The following COLEC10 variants were observed in gnomAD, a reference collection of about 807,000 sequenced individuals.
The protein encoded by COLEC10 is collectin subfamily member 10, also known as collectin-10.
COLEC10 carries 22 observed loss-of-function variants against 28.4 expected under a neutral mutation model. The observed-to-expected ratio is 0.78, with a 90% CI of 0.55 to 1.11. The LOEUF (loss-of-function observed/expected upper bound fraction) is 1.11, where lower values mean the gene tolerates loss of function less well. Among genes scored for constraint, COLEC10 ranks in the 50% least tolerant of loss-of-function variants. The pLI is 0.00. For missense variants in COLEC10, 361 were observed against 344.1 expected, an observed-to-expected ratio of 1.05 and a Z score of -0.39; for synonymous variants, 125 against 116.1, an observed-to-expected ratio of 1.08 and a Z score of -0.49.
chr8:119,047,648 T>C (rs1054845617), intron 2 of COLEC10, among the ~76,000 whole-genome samples: 1 of 152,158 alleles, frequency 6.6e-6, no homozygotes, highest in Admixed American at 6.6e-5. Context: ...ATATTTAATA[T>C]GTAAATGCAG....
At chr8:119,025,601 A>G (rs935549849) in intron 2 of COLEC10, among the ~76,000 whole-genome samples, 2 of 152,196 alleles carry the variant, frequency 1.3e-5, no homozygotes, top group African/African-American at 4.8e-5. Flanking sequence ...AAAGTGACTA[A>G]GCGCGAGGCT....
chr8:118,981,595 G>T, the COLEC10 span, among the ~76,000 whole-genome samples: 1 of 151,970 alleles, frequency 6.6e-6, no homozygotes, highest in Non-Finnish European at 1.5e-5. Context: ...TCTTCTGTTT[G>T]CTGTAGTAAT....
chr8:118,991,754 G>A (rs1226043464), upstream of COLEC10, among the ~76,000 whole-genome samples: 4 of 152,084 alleles, frequency 2.6e-5, no homozygotes, highest in African/African-American at 9.7e-5. Flanking sequence ...ATTGCTGAAA[G>A]GAGAAAATTG....
At chr8:119,069,584 C>A (rs1815048320) in intron 1 of COLEC10, among the ~76,000 whole-genome samples, 1 of 102,860 alleles carries the variant, frequency 9.7e-6, no homozygotes, top group African/African-American at 3.8e-5. Flanking sequence ...CCAGCCTGGA[C>A]AACAGAGTGA....
upstream of COLEC10, among the ~76,000 whole-genome samples, chr8:118,991,526 A>G (rs865951391): frequency 3.9e-5 from 6 of 152,170 alleles, no homozygotes; most frequent in Admixed American, 1.3e-4. Context: ...CAAATGGTGG[A>G]TGGAAGTGGT....
chr8:118,993,260 T>C (rs1267826341), upstream of COLEC10, among the ~76,000 whole-genome samples: 1 of 152,178 alleles, frequency 6.6e-6, no homozygotes, highest in African/African-American at 2.4e-5. Flanking sequence ...GGATTTTTTT[T>C]CCCAAGGCCT....
intron 1 of COLEC10, among the ~76,000 whole-genome samples, chr8:119,088,542 G>A (rs989316555): frequency 9.9e-5 from 15 of 152,122 alleles, no homozygotes; most frequent in African/African-American, 3.4e-4. Flanking sequence ...AGTTACTCTC[G>A]CTCAAACTGT....
the COLEC10 span, among the ~76,000 whole-genome samples, chr8:118,960,785 GAAA>G: frequency 8.3e-5 from 6 of 72,552 alleles, no homozygotes; most frequent in African/African-American, 2.5e-4. Flanking sequence ...GAGACTCTGT[GAAA>G]AAAAAAAAAA....
At chr8:119,042,251 G>T (rs1563725648) in intron 2 of COLEC10, among the ~76,000 whole-genome samples, 1 of 151,988 alleles carries the variant, frequency 6.6e-6, no homozygotes, top group East Asian at 1.9e-4. Flanking sequence ...TCCCGTTTCG[G>T]CCTCCCAAAG....
chr8:118,971,241 C>G, the COLEC10 span, among the ~76,000 whole-genome samples: 1 of 151,964 alleles, frequency 6.6e-6, no homozygotes, highest in Non-Finnish European at 1.5e-5. Flanking sequence ...AACTCCAACC[C>G]CATCCTTGGC....
chr8:119,029,824 C>T (rs1255366624), intron 2 of COLEC10, among the ~76,000 whole-genome samples: 4 of 152,142 alleles, frequency 2.6e-5, no homozygotes, highest in Non-Finnish European at 5.9e-5. Context: ...ATTCTCCATG[C>T]CCTTGTTAAT....
intron 1 of COLEC10, among the ~76,000 whole-genome samples, chr8:119,070,573 C>A (rs557621042): frequency 1.7e-5 from 1 of 58,782 alleles, no homozygotes; most frequent in Non-Finnish European, 3.4e-5. Context: ...TCTCTCCCCC[C>A]ACCCCTTCTC....
intron 2 of COLEC10, 23 bp downstream of exon 2, chr8:119,089,774 G>T: frequency 6.3e-7 from 1 of 1,589,444 alleles, no homozygotes. Flanking sequence ...ATGTGAAACT[G>T]ACATTTTAAT....
intron 2 of COLEC10, among the ~76,000 whole-genome samples, chr8:119,024,579 T>TACAC (rs5894472): frequency 6.6e-6 from 1 of 150,634 alleles, no homozygotes; most frequent in Non-Finnish European, 1.5e-5. Context: ...TATGCACACA[T>TACAC]ACACACACAC....
At chr8:119,087,265 T>C (rs549918695) in intron 1 of COLEC10, among the ~76,000 whole-genome samples, 1 of 152,266 alleles carries the variant, frequency 6.6e-6, no homozygotes, top group African/African-American at 2.4e-5. Context: ...CCACCATGCT[T>C]TGGGTCACAG....
intron 2 of COLEC10, among the ~76,000 whole-genome samples, chr8:119,047,830 T>G (rs1814611535): frequency 6.6e-6 from 1 of 152,172 alleles, no homozygotes; most frequent in Non-Finnish European, 1.5e-5. Context: ...TTCTAGAGTT[T>G]GAAAAAATTT....
At chr8:119,078,959 G>T (rs1815309440) in intron 1 of COLEC10, among the ~76,000 whole-genome samples, 2 of 149,434 alleles carry the variant, frequency 1.3e-5, no homozygotes, top group African/African-American at 2.5e-5. Flanking sequence ...ATGTTTAGAT[G>T]CCAAAAGCAT....
At chr8:118,965,267 CA>C in the COLEC10 span, among the ~76,000 whole-genome samples, 1 of 152,018 alleles carries the variant, frequency 6.6e-6, no homozygotes, top group Admixed American at 6.5e-5. Context: ...CTCAAAATAT[CA>C]TAGAGAACTC....
rs556596733 is a variant in COLEC10, at chr8:119,015,261, G to A, written n.235+5708G>A. Among the ~76,000 whole-genome samples the A allele has an allele frequency of 8.7e-4, 130 of 148,572 alleles. 2 individuals are homozygous for A. Among genetic ancestry groups the A allele is most frequent in the South Asian group, 7.4e-3 (35 of 4,734 alleles). The stretch of plus-strand genomic sequence containing the variant: ...TCTGAGTAGGTCTCGGTCTTTTGAT[G>A]AGCCTGTGTCTCTAGACTGAATTTC... On this transcript the variant is annotated intron_variant and non_coding_transcript_variant, in intron 2 of 6. Transcript: ENST00000521788.
Sources: gnomAD v4.1 joint callset for allele counts (sites outside exome capture counted in the v4.1 genomes callset) on GRCh38, gnomAD v4.1.1 for gene constraint, MANE v1.5 for transcripts, NCBI Gene and HGNC (gene_info 2026-07-23, HGNC 2026-07-21) for gene names.